PPM1A: variants seen among roughly 807,000 people sequenced by gnomAD.
PPM1A encodes protein phosphatase 1A.
Under a neutral mutation model 35.0 loss-of-function variants are expected in PPM1A, and 7 were observed. The ratio of observed to expected loss-of-function variants is 0.20; its 90% CI spans 0.11 to 0.38. The LOEUF (loss-of-function observed/expected upper bound fraction) is 0.38. Among genes scored for constraint, PPM1A ranks in the 10% least tolerant of loss-of-function variants. The probability of loss-of-function intolerance (pLI) is 1.00; values close to 1 mark genes in which losing one functional copy is unlikely to be tolerated. For missense variants in PPM1A, 239 were observed against 467.8 expected, an observed-to-expected ratio of 0.51 and a Z score of 4.51; for synonymous variants, 153 against 167.3, an observed-to-expected ratio of 0.91 and a Z score of 0.66.
intron 1 of PPM1A, among the ~76,000 whole-genome samples, chr14:60,278,864 C>T (rs554493832): frequency 6.6e-6 from 1 of 152,242 alleles, no homozygotes; most frequent in East Asian, 1.9e-4. Context: ...GTTATTTATC[C>T]TTCCTACCTT....
Position 60,292,536 on chromosome 14 carries a change from C to T in PPM1A, c.*54C>T. The T allele has an allele frequency of 6.7e-7, 1 of 1,493,064 alleles. No homozygotes were observed. The highest frequency in any genetic ancestry group is 9.3e-7 in the Non-Finnish European group (1 of 1,078,738). 92.5% of individuals were successfully genotyped at this position (1,493,064 alleles called of 1,614,324 possible). ...TTCACCTCCAAAGGAGAGTACAGCT[C>T]AACTTTGTTGAAACTTTTAACATCC... On this transcript the variant is annotated 3_prime_UTR_variant, in exon 6 of 6. Coordinates refer to ENST00000395076, the MANE Select transcript of PPM1A (RefSeq NM_021003.5). This position sits in a 1 kb window ranked among gnomAD's most constrained non-coding sequence, Gnocchi z 4.2.
chr14:60,296,630 C>G lies in PPM1A; in HGVS notation c.*4148C>G. ...AAGCCTAATTTGCTCTTACTTCCTT[C>G]AATTATGTGCCATGTGTTTTGGTTT... On this transcript the variant is annotated 3_prime_UTR_variant, in exon 6 of 6. Coordinates refer to ENST00000395076, the MANE Select transcript of PPM1A (RefSeq NM_021003.5). The surrounding 1 kb of genome is among the most constrained non-coding windows in gnomAD (Gnocchi z 4.4). The G allele has an allele frequency of 2.9e-6, 1 of 341,312 alleles. No homozygotes were observed. The highest frequency in any genetic ancestry group is 5.4e-6 in the Non-Finnish European group (1 of 185,440). The allele number at this position is 341,312 out of a possible 1,614,324, so 21.1% of individuals were successfully genotyped here.
At chr14:60,288,391 G>A (rs1432708700) in intron 3 of PPM1A, 28 of 983,440 alleles carry the variant, frequency 2.8e-5, no homozygotes, top group South Asian at 4.7e-5. Flanking sequence ...TTGGCTTAGC[G>A]GAGACTGTAT....
rs79069467 is a variant in PPM1A at position 60,268,280 on chromosome 14, C to A, written c.-20-14404C>A. The A allele has an allele frequency of 4.5e-3, 4,416 of 983,126 alleles. 140 individuals carry two copies. The African/African-American group carries it at 0.069, about 15-fold the overall frequency. The allele number at this position is 983,126 out of a possible 1,614,324, so 60.9% of individuals were successfully genotyped here. ...AGGGATAGTTCTTTAATAACTTTCTCATATTGTTCCAGGTTTCTGGTCTTC... is the reference window on the plus strand; with the variant it reads ...AGGGATAGTTCTTTAATAACTTTCTAATATTGTTCCAGGTTTCTGGTCTTC... On this transcript the variant is annotated intron_variant, in intron 1 of 5. Coordinates refer to ENST00000395076, the MANE Select transcript of PPM1A (RefSeq NM_021003.5).
chr14:60,284,469 G>A (rs1477617334), intron 2 of PPM1A, among the ~76,000 whole-genome samples: 4 of 151,964 alleles, frequency 2.6e-5, no homozygotes, highest in East Asian at 1.9e-4. Flanking sequence ...GTGAAACCCC[G>A]TCTCTACTAA....
chr14:60,268,941 CT>C (rs767187097), intron 1 of PPM1A, among the ~76,000 whole-genome samples: 344 of 128,494 alleles, frequency 2.7e-3, no homozygotes, highest in Middle Eastern at 8.1e-3. Context: ...ATTTCATTTT[CT>C]TTTTTTTTTT....
At chr14:60,285,224 A>G (rs1050769274) in intron 2 of PPM1A, among the ~76,000 whole-genome samples, 2 of 152,240 alleles carry the variant, frequency 1.3e-5, no homozygotes, top group African/African-American at 4.8e-5. Context: ...TATTGTAAAC[A>G]ATGCCACTAA....
chr14:60,248,959 G>A (rs1222525204), upstream of PPM1A, among the ~76,000 whole-genome samples: 6 of 152,174 alleles, frequency 3.9e-5, no homozygotes, highest in South Asian at 2.1e-4. Flanking sequence ...CTTCGGCTTC[G>A]GCCTGGTGCT....
Position 60,289,719 on chromosome 14 carries a change from C to A in PPM1A, c.953-87C>A. 1.2e-6 allele frequency: 1 copy of A among 831,858 alleles called. No homozygotes were observed. Among genetic ancestry groups the A allele is most frequent in the Non-Finnish European group, 1.9e-6 (1 of 517,098 alleles). 51.5% of individuals were successfully genotyped at this position (831,858 alleles called of 1,614,324 possible). A position where few individuals can be genotyped will look rare whatever the true frequency, so the allele number is the denominator to read the frequency against. On this transcript the variant is annotated intron_variant, in intron 3 of 5. Transcript: ENST00000395076. This position sits in a 1 kb window ranked among gnomAD's most constrained non-coding sequence, Gnocchi z 4.1. ...AAATCTCAGATGTGGTAAATGCCAT[C>A]TTTAAAAAGCTAGGTTATCTTTGTT...
At chr14:60,287,694 T>C in intron 3 of PPM1A, 1 of 985,348 alleles carries the variant, frequency 1.0e-6, no homozygotes, top group Non-Finnish European at 1.2e-6. Flanking sequence ...CCAGCTCTCC[T>C]TTTCTCTTAT....
intron 1 of PPM1A, among the ~76,000 whole-genome samples, chr14:60,280,624 T>A (rs1886301225): frequency 6.6e-6 from 1 of 152,178 alleles, no homozygotes; most frequent in Non-Finnish European, 1.5e-5. Flanking sequence ...TCTAGGATAG[T>A]GGTCTTGTAA....
At chr14:60,259,341 TTA>T (rs1337634064) in intron 1 of PPM1A, among the ~76,000 whole-genome samples, 1 of 152,128 alleles carries the variant, frequency 6.6e-6, no homozygotes, top group African/African-American at 2.4e-5. Context: ...GTTTAATAAG[TTA>T]TATTTTTCCT....
chr14:60,291,750 G>GTTTT (rs77512505), intron 5 of PPM1A, among the ~76,000 whole-genome samples: 17 of 128,798 alleles, frequency 1.3e-4, no homozygotes, highest in African/African-American at 3.7e-4. Context: ...CCACTACATG[G>GTTTT]TTTTTTTTTT....
chr14:60,253,483 G>C (rs1240622346), intron 1 of PPM1A, among the ~76,000 whole-genome samples: 1 of 152,130 alleles, frequency 6.6e-6, no homozygotes, highest in Non-Finnish European at 1.5e-5. Context: ...AGATATTACT[G>C]AGTGGATTTT....
rs1369238055 is a variant in PPM1A, at chr14:60,282,476, C to G, written c.-20-208C>G. On this transcript the variant is annotated intron_variant, in intron 1 of 5. Coordinates refer to ENST00000395076, the MANE Select transcript of PPM1A (RefSeq NM_021003.5). The surrounding 1 kb of genome is among the most constrained non-coding windows in gnomAD (Gnocchi z 5.1). Reference sequence around the variant, plus strand: ...TCCCAATGCTTTAGTTTTTTTCTGCCTTTTTGTCTGTTGTGATCTGTGCTT... The same window carrying G: ...TCCCAATGCTTTAGTTTTTTTCTGCGTTTTTGTCTGTTGTGATCTGTGCTT... Among the ~76,000 whole-genome samples, 1 of 152,142 alleles carries G rather than the reference C, an allele frequency of 6.6e-6. No individual in the cohort carries two copies. The highest frequency in any genetic ancestry group is 6.6e-5 in the Admixed American group (1 of 15,266).
rs1385150971 is a variant in PPM1A, at chr14:60,289,548, A to C, written c.953-258A>C. On this transcript the variant is annotated intron_variant, in intron 3 of 5. Coordinates refer to ENST00000395076, the MANE Select transcript of PPM1A (RefSeq NM_021003.5). The surrounding 1 kb of genome is among the most constrained non-coding windows in gnomAD (Gnocchi z 4.1). ...CTTGTGCACACATATCCTTGATTAT[A>C]TAATATGCTGATTTAACATGAAATA... 2.0e-5 allele frequency among the ~76,000 whole-genome samples: 3 copies of C among 152,160 alleles called. No individual in the cohort carries two copies. The highest frequency in any genetic ancestry group is 2.9e-5 in the Non-Finnish European group (2 of 68,020).
intron 1 of PPM1A, among the ~76,000 whole-genome samples, chr14:60,267,772 G>A (rs1447424133): frequency 6.6e-6 from 1 of 152,020 alleles, no homozygotes; most frequent in East Asian, 1.9e-4. Context: ...TATTTAAATG[G>A]CCAATTGTTA....
Position 60,288,066 on chromosome 14 carries a change from T to C in PPM1A, c.953-1740T>C, listed in dbSNP as rs1887223661. 3 of 981,326 alleles carry C rather than the reference T, an allele frequency of 3.1e-6. No homozygotes were observed. The South Asian group carries it at 1.4e-4, about 46-fold the overall frequency. 60.8% of individuals were successfully genotyped at this position (981,326 alleles called of 1,614,324 possible). A position where few individuals can be genotyped will look rare whatever the true frequency, so the allele number is the denominator to read the frequency against. On this transcript the variant is annotated intron_variant, in intron 3 of 5. Transcript: ENST00000395076. ...AAAGGAATATTTCTTAAAATTCATT[T>C]ATTTTTCTTTTTTGAAAGCAGACAG...
In PPM1A at chr14:60,286,180, A is replaced by G. The variant is rs1408397689; in HGVS notation, c.952+439A>G. The G allele has an allele frequency of 2.4e-5, 24 of 985,692 alleles. No homozygotes were observed. In the South Asian group the frequency reaches 9.4e-4, roughly 39 times the overall value. 61.1% of individuals were successfully genotyped at this position (985,692 alleles called of 1,614,324 possible). A position where few individuals can be genotyped will look rare whatever the true frequency, so the allele number is the denominator to read the frequency against. ...TAGGGCCTTTTTTCAATAACTTGAAAATCACAGCCTCATCATTAGCAACTT... is the reference window on the plus strand; with the variant it reads ...TAGGGCCTTTTTTCAATAACTTGAAGATCACAGCCTCATCATTAGCAACTT... On this transcript the variant is annotated intron_variant, in intron 3 of 5. Transcript: ENST00000395076.
Sources: gnomAD v4.1 joint callset for allele counts (sites outside exome capture counted in the v4.1 genomes callset) on GRCh38, gnomAD v4.1.1 for gene constraint, Gnocchi (gnomAD v3.1) non-coding constraint, MANE v1.5 for transcripts, NCBI Gene and HGNC (gene_info 2026-07-23, HGNC 2026-07-21) for gene names.